BCL6: variants seen among roughly 807,000 people sequenced by gnomAD.
BCL6 encodes BCL6 transcription repressor, also known as B-cell lymphoma 6 protein.
In BCL6, 7 loss-of-function variants were observed where a neutral mutation model predicts 59.5. The observed-to-expected ratio is 0.12, with a 90% CI of 0.07 to 0.22. The LOEUF is 0.22. Among genes scored for constraint, BCL6 ranks in the 10% least tolerant of loss-of-function variants. The pLI is 1.00. For missense variants in BCL6, 685 were observed against 939.4 expected, an observed-to-expected ratio of 0.73 and a Z score of 3.54; for synonymous variants, 339 against 349.7, an observed-to-expected ratio of 0.97 and a Z score of 0.34.
At chr3:187,728,993 C>T (rs1718872657) in intron 5 of BCL6, 57 bp downstream of exon 5, 12 of 1,504,862 alleles carry the variant, frequency 8.0e-6, no homozygotes, top group Admixed American at 2.3e-5. Flanking sequence ...GAAGAAACGA[C>T]ATGGAACCCT....
chr3:187,737,797 C>G (rs1381745037), intron 1 of BCL6: 6 of 135,038 alleles, frequency 4.4e-5, no homozygotes, highest in Non-Finnish European at 9.1e-5. Flanking sequence ...GTCAATGCAG[C>G]AGGCAATGAG....
At chr3:187,723,801 T>A (rs1718537023) in intron 9 of BCL6, among the ~76,000 whole-genome samples, 1 of 152,166 alleles carries the variant, frequency 6.6e-6, no homozygotes, top group Non-Finnish European at 1.5e-5. Context: ...ATGGCCTGGG[T>A]CAATACAGGC....
At chr3:187,730,103 C>T in intron 4 of BCL6, 82 bp from the exon 5 acceptor site, 1 of 1,484,420 alleles carries the variant, frequency 6.7e-7, no homozygotes, top group African/African-American at 1.4e-5. Flanking sequence ...ACTTATATAA[C>T]CACATCTGTG....
In BCL6 at chr3:187,731,795, C is replaced by T. The variant is rs778601843; in HGVS notation, c.297G>A (p.Glu99=). ...TGGCCATCACAGCCATGATGTTGCC[C>T]TCCCGCAAATTGAGCCGAGATGTGT... ...FMYTSRLNLR[E]GNIMAVMATA... is the part of the protein sequence containing the mutation. Residue 99 remains glutamate (E), a synonymous_variant, in exon 4 of 10, where the codon GAG becomes GAA. Transcript: ENST00000406870. 1 of 1,614,156 alleles carries T rather than the reference C, an allele frequency of 6.2e-7. No individual in the cohort carries two copies. The highest frequency in any genetic ancestry group is 1.1e-5 in the South Asian group (1 of 91,076).
chr3:187,730,030 G>A lies in BCL6; in HGVS notation c.384-9C>T, dbSNP rs1172537194. On this transcript the variant is annotated splice_polypyrimidine_tract_variant and intron_variant, in intron 4 of 9. Transcript: ENST00000406870. ...AAACCATCTCTGCTTCACTGTGAAA[G>A]AAAAAAAGAGGAAAGACACCGGCCC... The A allele has an allele frequency of 5.2e-6, 8 of 1,530,130 alleles. No homozygotes were observed. The Admixed American group carries it at 6.5e-5, about 12-fold the overall frequency. 94.8% of individuals were successfully genotyped at this position (1,530,130 alleles called of 1,614,324 possible).
chr3:187,740,125 GC>G, intron 1 of BCL6, among the ~76,000 whole-genome samples: 1 of 152,210 alleles, frequency 6.6e-6, no homozygotes, highest in East Asian at 1.9e-4. Context: ...CCGCCAGCAT[GC>G]GGACGCGCGT....
intron 4 of BCL6, among the ~76,000 whole-genome samples, chr3:187,731,103 T>C (rs779531437): frequency 1.3e-5 from 2 of 152,178 alleles, no homozygotes; most frequent in Non-Finnish European, 2.9e-5. Flanking sequence ...CATCTTTAAA[T>C]GAAGGTCATG....
Position 187,725,213 on chromosome 3 carries a change from G to T in BCL6, c.1840-135C>A. Reference sequence around the variant, plus strand: ...TCACCTGCACACAGGGACTGAGTGGGCCTTTCTGCTGCCCACTCTGCTCAC... The same window carrying T: ...TCACCTGCACACAGGGACTGAGTGGTCCTTTCTGCTGCCCACTCTGCTCAC... On this transcript the variant is annotated intron_variant, in intron 8 of 9. Transcript: ENST00000406870. The surrounding 1 kb of genome is among the most constrained non-coding windows in gnomAD (Gnocchi z 4.7). 1 of 1,367,046 alleles carries T rather than the reference G, an allele frequency of 7.3e-7. No homozygotes were observed. Among genetic ancestry groups the T allele is most frequent in the Non-Finnish European group, 1.0e-6 (1 of 994,162 alleles). 84.7% of individuals were successfully genotyped at this position (1,367,046 alleles called of 1,614,324 possible). A position where few individuals can be genotyped will look rare whatever the true frequency, so the allele number is the denominator to read the frequency against.
rs1218169171 is a variant in BCL6, at chr3:187,731,745, T to C, written c.347A>G (p.His116Arg). ...MATAMYLQME[H>R]VVDTCRKFIK... Reference sequence around the variant, plus strand: ...AAACTTCCGGCAAGTGTCCACAACATGCTCCATCTGCAGGTACATAGCCGT... The same window carrying C: ...AAACTTCCGGCAAGTGTCCACAACACGCTCCATCTGCAGGTACATAGCCGT... Residue 116 changes from histidine (H) to arginine (R), a missense_variant, in exon 4 of 10, where the codon CAT (histidine) becomes CGT (arginine). Physicochemically the swap from His to Arg is conservative, Grantham distance 29. Around this residue, in one of 7 missense-constraint regions of BCL6, gnomAD observed 102 missense variants for 176.6 expected, o/e 0.58. Coordinates refer to ENST00000406870, the MANE Select transcript of BCL6 (RefSeq NM_001706.5). 2 of 1,614,156 alleles carry C rather than the reference T, an allele frequency of 1.2e-6. No individual in the cohort carries two copies. Among genetic ancestry groups the C allele is most frequent in the Admixed American group, 1.7e-5 (1 of 60,024 alleles).
At position 187,725,372 on chromosome 3, in the gene BCL6, ACCTGCCCGCTCCGCTTG is replaced by A. The variant is rs1464219738; in HGVS notation, c.1839+110_1839+126del. On this transcript the variant is annotated intron_variant, in intron 8 of 9. Transcript: ENST00000406870. The surrounding 1 kb of genome is among the most constrained non-coding windows in gnomAD (Gnocchi z 4.7). ...GGACTTTCTCCTGCCCGCTCTGCTC[ACCTGCCCGCTCCGCTTG>A]CCTGCCCGCTCCACTTGCCTGCCCA... 18 of 1,502,216 alleles carry A rather than the reference ACCTGCCCGCTCCGCTTG, an allele frequency of 1.2e-5. No individual in the cohort carries two copies. The highest frequency in any genetic ancestry group is 2.0e-5 in the Admixed American group (1 of 48,870). The allele number at this position is 1,502,216 out of a possible 1,614,324, so 93.1% of individuals were successfully genotyped here.
At chr3:187,730,567 C>T (rs976315304) in intron 4 of BCL6, among the ~76,000 whole-genome samples, 42 of 152,310 alleles carry the variant, frequency 2.8e-4, no homozygotes, top group African/African-American at 9.6e-4. Context: ...AAAGAACAGG[C>T]AGCAAATGCC....
At chr3:187,734,694 G>T (rs9827569) in intron 2 of BCL6, 175 bp downstream of exon 2, 30,851 of 152,476 alleles carry the variant, frequency 0.2, 4,606 homozygotes, top group African/African-American at 0.42. Context: ...CATGCAAGTG[G>T]TAAGACAGTC....
At position 187,725,769 on chromosome 3, in the gene BCL6, G is replaced by C. The variant is rs920183280; in HGVS notation, c.1709-140C>G. 3 of 1,085,864 alleles carry C rather than the reference G, an allele frequency of 2.8e-6. No homozygotes were observed. The highest frequency in any genetic ancestry group is 3.9e-6 in the Non-Finnish European group (3 of 771,182). The allele number at this position is 1,085,864 out of a possible 1,614,324, so 67.3% of individuals were successfully genotyped here. The stretch of plus-strand genomic sequence containing the variant: ...CCTTTCCCTTAGGGAATGTGAGAGA[G>C]AGAATCCAGGGGCCTGCCCCCACAT... On this transcript the variant is annotated intron_variant, in intron 7 of 9. Transcript: ENST00000406870. This position sits in a 1 kb window ranked among gnomAD's most constrained non-coding sequence, Gnocchi z 4.7.
chr3:187,744,821 G>A (rs553312486), intron 1 of BCL6, among the ~76,000 whole-genome samples: 1 of 152,226 alleles, frequency 6.6e-6, no homozygotes, highest in Non-Finnish European at 1.5e-5. Flanking sequence ...AGCAAGGAAA[G>A]CAGTTTGCAA....
intron 1 of BCL6, among the ~76,000 whole-genome samples, chr3:187,744,604 T>A (rs191297559): frequency 1.3e-5 from 2 of 151,660 alleles, no homozygotes; most frequent in Admixed American, 6.6e-5. Flanking sequence ...ACCCAAAGAG[T>A]TCGCTTGCAT....
In BCL6 at chr3:187,745,240, A is replaced by G. The variant is rs1439080301; in HGVS notation, c.-50+170T>C. Among the ~76,000 whole-genome samples the G allele has an allele frequency of 4.6e-5, 7 of 152,264 alleles. 1 individual carries two copies. The highest frequency in any genetic ancestry group is 4.2e-4 in the South Asian group (2 of 4,818). On this transcript the variant is annotated intron_variant, in intron 1 of 9. Coordinates refer to ENST00000406870, the MANE Select transcript of BCL6 (RefSeq NM_001706.5). ...TAAATAAATATATACATTTATATCA[A>G]TAGATACACATAGAAAACTTGGAGC...
intron 3 of BCL6, 55 bp downstream of exon 3, chr3:187,733,478 G>T: frequency 1.3e-6 from 2 of 1,588,512 alleles, no homozygotes; most frequent in Middle Eastern, 3.8e-4. Context: ...TTGCTTGGCT[G>T]CCAGCACCAT....
In BCL6 at chr3:187,745,442, A is replaced by G. The variant is rs1711911060; in HGVS notation, c.-82T>C. The G allele has an allele frequency of 2.5e-6, 1 of 399,690 alleles. No homozygotes were observed. Among genetic ancestry groups the G allele is most frequent in the African/African-American group, 2.1e-5 (1 of 48,746 alleles). The allele number at this position is 399,690 out of a possible 1,614,324, so 24.8% of individuals were successfully genotyped here. On this transcript the variant is annotated 5_prime_UTR_variant, in exon 1 of 10. An upstream start codon of the reference 5' UTR is lost. Coordinates refer to ENST00000406870, the MANE Select transcript of BCL6 (RefSeq NM_001706.5). ...CCGGCCTTTCCTAGAAACTTCTTGC[A>G]TCACCACTTCTAAGAACCCCAGTTC...
At chr3:187,743,747 C>A (rs1367146579) in intron 1 of BCL6, among the ~76,000 whole-genome samples, 1 of 150,910 alleles carries the variant, frequency 6.6e-6, no homozygotes, top group Non-Finnish European at 1.5e-5. Flanking sequence ...TCTCCCCGCC[C>A]GCCCCCGGAG....
Sources: gnomAD v4.1 joint callset for allele counts (sites outside exome capture counted in the v4.1 genomes callset) on GRCh38, gnomAD v4.1.1 for gene constraint, gnomAD v4.1.1 regional missense constraint, Gnocchi (gnomAD v3.1) non-coding constraint, MANE v1.5 for transcripts, NCBI Gene and HGNC (gene_info 2026-07-23, HGNC 2026-07-21) for gene names.